Variants in MTA3 observed in about 807,000 individuals in gnomAD.
MTA3 encodes the protein metastasis associated 1 family member 3.
In MTA3, 34 loss-of-function variants were observed where a neutral mutation model predicts 83.5. The observed-to-expected ratio is 0.41, with a 90% CI of 0.31 to 0.54. The LOEUF (loss-of-function observed/expected upper bound fraction) is 0.54. Among genes scored for constraint, MTA3 ranks in the 20% least tolerant of loss-of-function variants. The pLI is 0.33. For missense variants in MTA3, 761 were observed against 726.4 expected (o/e 1.05, Z -0.55); for synonymous variants, 303 against 252.7 (o/e 1.20, Z -1.89).
chr2:42,542,851 C>A (rs2103751425), intron 2 of MTA3, among the ~76,000 whole-genome samples: 1 of 152,240 alleles, frequency 6.6e-6, no homozygotes, highest in East Asian at 1.9e-4. Context: ...CCCACTGCAC[C>A]CAGCCCATAA....
At chr2:42,751,986 A>G (rs1458980799) in intron 16 of MTA3, among the ~76,000 whole-genome samples, 1 of 152,188 alleles carries the variant, frequency 6.6e-6, no homozygotes, top group Non-Finnish European at 1.5e-5. Context: ...CTTGACACAA[A>G]TTAAGGTCTA....
At chr2:42,533,640 T>C (rs1420785460) in intron 2 of MTA3, among the ~76,000 whole-genome samples, 2 of 149,880 alleles carry the variant, frequency 1.3e-5, no homozygotes, top group African/African-American at 2.4e-5. Context: ...GAGACCATCC[T>C]GGCTAACACA....
chr2:42,598,862 A>C (rs1682182458), intron 3 of MTA3, among the ~76,000 whole-genome samples: 1 of 152,170 alleles, frequency 6.6e-6, no homozygotes, highest in Admixed American at 6.5e-5. Flanking sequence ...TTTCACATTA[A>C]CACAGAAGCC....
At chr2:42,686,425 A>T (rs904547761) in intron 9 of MTA3, among the ~76,000 whole-genome samples, 1 of 152,036 alleles carries the variant, frequency 6.6e-6, no homozygotes, top group Admixed American at 6.6e-5. Flanking sequence ...GGTGGGTCAC[A>T]CCTGAAATCT....
chr2:42,679,631 C>T (rs559516247), intron 8 of MTA3, among the ~76,000 whole-genome samples: 3 of 152,322 alleles, frequency 2.0e-5, no homozygotes, highest in African/African-American at 7.2e-5. Context: ...GCAGAAGCAT[C>T]TTGTGTCACA....
chr2:42,523,004 C>T (rs965394930), intron 2 of MTA3, among the ~76,000 whole-genome samples: 1 of 151,828 alleles, frequency 6.6e-6, no homozygotes. Flanking sequence ...GAAACAGGGT[C>T]TCACTGTGTT....
intron 10 of MTA3, among the ~76,000 whole-genome samples, chr2:42,696,094 C>T (rs1033717574): frequency 6.6e-6 from 1 of 152,092 alleles, no homozygotes; most frequent in Non-Finnish European, 1.5e-5. Context: ...TTGCATTTGA[C>T]TGATCCTTCA....
At chr2:42,549,290 AT>A (rs1676964732) in intron 2 of MTA3, among the ~76,000 whole-genome samples, 1 of 117,116 alleles carries the variant, frequency 8.5e-6, no homozygotes, top group Non-Finnish European at 1.7e-5. Flanking sequence ...GTAATATATA[AT>A]GTATATGTAC....
intron 4 of MTA3, among the ~76,000 whole-genome samples, chr2:42,627,707 G>A (rs1190475822): frequency 6.8e-6 from 1 of 148,036 alleles, no homozygotes; most frequent in South Asian, 2.2e-4. Flanking sequence ...GGGAGTATGT[G>A]CCACCAAGCC....
intron 2 of MTA3, among the ~76,000 whole-genome samples, chr2:42,544,424 C>T (rs1676663201): frequency 6.7e-6 from 1 of 149,860 alleles, no homozygotes; most frequent in Non-Finnish European, 1.5e-5. Flanking sequence ...CTGTTGCCAG[C>T]TTGGGCAACA....
intron 4 of MTA3, among the ~76,000 whole-genome samples, chr2:42,610,964 C>T (rs1322541499): frequency 6.6e-6 from 1 of 150,748 alleles, no homozygotes; most frequent in Non-Finnish European, 1.5e-5. Flanking sequence ...ACATAAAATG[C>T]ATTATTTCTT....
At chr2:42,692,686 C>G (rs1373784346) in intron 9 of MTA3, among the ~76,000 whole-genome samples, 1 of 152,210 alleles carries the variant, frequency 6.6e-6, no homozygotes, top group Non-Finnish European at 1.5e-5. Flanking sequence ...CACAGCCTCC[C>G]AAAGCGCTGG....
At chr2:42,671,350 T>A (rs1181152483) in intron 8 of MTA3, among the ~76,000 whole-genome samples, 1 of 152,166 alleles carries the variant, frequency 6.6e-6, no homozygotes. Context: ...ATTGTTTATA[T>A]GTATCACATA....
intron 2 of MTA3, among the ~76,000 whole-genome samples, chr2:42,510,416 C>T (rs1311406320): frequency 6.6e-6 from 1 of 151,916 alleles, no homozygotes; most frequent in African/African-American, 2.4e-5. Flanking sequence ...ATGCTTTAGT[C>T]AGAAAAGTTC....
chr2:42,579,430 T>A (rs1558453791), intron 3 of MTA3, among the ~76,000 whole-genome samples: 1 of 122,528 alleles, frequency 8.2e-6, no homozygotes, highest in Non-Finnish European at 1.7e-5. Flanking sequence ...TATATATATA[T>A]TTTTTTTTTT....
At chr2:42,528,177 G>A (rs1439714737) in intron 2 of MTA3, among the ~76,000 whole-genome samples, 2 of 151,816 alleles carry the variant, frequency 1.3e-5, no homozygotes, top group Admixed American at 6.6e-5. Flanking sequence ...TGCCCGCCTC[G>A]GCCTCCCTAA....
intron 15 of MTA3, among the ~76,000 whole-genome samples, chr2:42,721,492 T>A (rs1238534270): frequency 6.6e-6 from 1 of 152,012 alleles, no homozygotes; most frequent in Admixed American, 6.6e-5. Flanking sequence ...CACACTTGGC[T>A]AATTTTTAAA....
chr2:42,699,661 C>G (rs1693690768), intron 11 of MTA3, among the ~76,000 whole-genome samples: 2 of 151,968 alleles, frequency 1.3e-5, no homozygotes, highest in South Asian at 4.2e-4. Flanking sequence ...AGTGTGAATC[C>G]TAGGTTTCTG....
chr2:42,755,213 C>T lies in MTA3; in HGVS notation c.*1814C>T, dbSNP rs1021261410. On this transcript the variant is annotated 3_prime_UTR_variant, in exon 17 of 17. Transcript: ENST00000405094. ...CTGTACCCTGCTCTGGATTTATTGTCGTACTTGGACCCAGAAGGGGAAATG... is the reference window on the plus strand; with the variant it reads ...CTGTACCCTGCTCTGGATTTATTGTTGTACTTGGACCCAGAAGGGGAAATG... 2.7e-5 allele frequency: 27 copies of T among 985,358 alleles called. No homozygotes were observed. The highest frequency in any genetic ancestry group is 3.1e-5 in the Non-Finnish European group (26 of 829,958). 61.0% of individuals were successfully genotyped at this position (985,358 alleles called of 1,614,324 possible).
Sources: gnomAD v4.1 joint callset for allele counts (sites outside exome capture counted in the v4.1 genomes callset) on GRCh38, gnomAD v4.1.1 for gene constraint, MANE v1.5 for transcripts, NCBI Gene and HGNC (gene_info 2026-07-23, HGNC 2026-07-21) for gene names.